SSX2IP: variants seen among roughly 807,000 people sequenced by gnomAD.
SSX2IP encodes SSX family member 2 interacting protein.
In SSX2IP, 55 loss-of-function variants were observed where a neutral mutation model predicts 84.9. That is an observed-to-expected ratio of 0.65 (90% confidence interval 0.52 to 0.81). SSX2IP has a LOEUF of 0.81. Among genes scored for constraint, SSX2IP ranks in the 30% least tolerant of loss-of-function variants. The pLI is 0.00. For synonymous variants in SSX2IP, 239 were observed against 234.7 expected, an observed-to-expected ratio of 1.02 and a Z score of -0.17; for missense variants, 664 against 705.2, an observed-to-expected ratio of 0.94 and a Z score of 0.66.
At chr1:84,650,956 C>T (rs1434081840) in intron 12 of SSX2IP, among the ~76,000 whole-genome samples, 3 of 152,094 alleles carry the variant, frequency 2.0e-5, no homozygotes, top group Non-Finnish European at 4.4e-5. Flanking sequence ...CCACCTGCCT[C>T]GGCCTCCCAA....
chr1:84,678,015 G>C (rs976287904), intron 1 of SSX2IP, among the ~76,000 whole-genome samples: 1 of 152,118 alleles, frequency 6.6e-6, no homozygotes, highest in Non-Finnish European at 1.5e-5. Context: ...AAGTTTTTAA[G>C]TATGTATATT....
intron 6 of SSX2IP, 117 bp downstream of exon 6, chr1:84,664,300 T>C (rs1652464621): frequency 1.0e-5 from 11 of 1,077,500 alleles, no homozygotes; most frequent in Admixed American, 3.1e-5. Context: ...TGAAAATCAA[T>C]TGTATAAAGC....
chr1:84,680,407 G>A (rs1470541541), intron 1 of SSX2IP: 1 of 152,064 alleles, frequency 6.6e-6, no homozygotes, highest in Non-Finnish European at 1.5e-5. Flanking sequence ...GAGAGTAAAA[G>A]CAGTTTACCT....
chr1:84,651,964 A>G lies in SSX2IP; in HGVS notation c.1423T>C (p.Leu475=). The G allele has an allele frequency of 6.2e-7, 1 of 1,613,942 alleles. No individual in the cohort carries two copies. Among genetic ancestry groups the G allele is most frequent in the Non-Finnish European group, 8.5e-7 (1 of 1,179,896 alleles). The change falls in exon 12 of 14, where the codon TTA becomes CTA. Residue 475 remains leucine, a synonymous_variant. Transcript: ENST00000342203. ...GTCATATTTAGAAACTGCTGCTTTA[A>G]CCAACTGGCTCTTTCTTCTTCAAAT... The part of the protein sequence containing the change: ...KAFEEERASW[L]KQQFLNMTTF...
In SSX2IP at chr1:84,662,341, C is replaced by A. The variant is rs1322980039; in HGVS notation, c.784G>T (p.Asp262Tyr). The A allele has an allele frequency of 6.2e-7, 1 of 1,608,392 alleles. No individual in the cohort carries two copies. The highest frequency in any genetic ancestry group is 1.7e-5 in the Admixed American group (1 of 59,000). The part of the protein sequence containing the change: ...EDEMYKILLN[D>Y]YEYRQKQILM... The stretch of plus-strand genomic sequence containing the variant: ...ATTTGTTTCTGACGATATTCATAAT[C>A]ATTCAAGAGAATTTTATACATTTCA... Residue 262 changes from aspartate (D) to tyrosine (Y), a missense_variant, in exon 8 of 14, where the codon GAT becomes TAT. Asp to Tyr is a radical substitution (Grantham distance 160). Transcript: ENST00000342203.
chr1:84,665,807 C>T (rs1652702434), intron 5 of SSX2IP, among the ~76,000 whole-genome samples: 1 of 152,148 alleles, frequency 6.6e-6, no homozygotes, highest in African/African-American at 2.4e-5. Flanking sequence ...AAAAGATCTG[C>T]ATTTAAAGCA....
At position 84,665,973 on chromosome 1, in the gene SSX2IP, C is replaced by T. The variant is rs982372150; in HGVS notation, c.537+149G>A. On this transcript the variant is annotated intron_variant, in intron 5 of 13. Coordinates refer to ENST00000342203, the MANE Select transcript of SSX2IP (RefSeq NM_001166293.2). The stretch of plus-strand genomic sequence containing the variant: ...GGGTTCCTGAGCTTCCAGTTAAATA[C>T]TATTACACAAAGGTCCACCATATCA... 14 of 613,816 alleles carry T rather than the reference C, an allele frequency of 2.3e-5. 1 individual carries two copies. Among genetic ancestry groups the T allele is most frequent in the East Asian group, 1.5e-4 (5 of 33,250 alleles). 38.0% of individuals were successfully genotyped at this position (613,816 alleles called of 1,614,324 possible). A position where few individuals can be genotyped will look rare whatever the true frequency, so the allele number is the denominator to read the frequency against.
intron 1 of SSX2IP, 122 bp downstream of exon 1, chr1:84,690,249 G>C (rs1214173769): frequency 6.6e-6 from 1 of 151,780 alleles, no homozygotes; most frequent in Non-Finnish European, 1.5e-5. Flanking sequence ...CGAACAACGG[G>C]GCGCTGAGCC....
chr1:84,653,337 C>A (rs2102208981), intron 11 of SSX2IP, among the ~76,000 whole-genome samples: 1 of 152,262 alleles, frequency 6.6e-6, no homozygotes, highest in Admixed American at 6.5e-5. Context: ...GTACTGGTAG[C>A]CACCACCACT....
chr1:84,674,659 G>A lies in SSX2IP; in HGVS notation c.-89-3351C>T, dbSNP rs374830131. Among the ~76,000 whole-genome samples, 3 of 152,206 alleles carry A rather than the reference G, an allele frequency of 2.0e-5. No individual in the cohort carries two copies. In the South Asian group the frequency reaches 6.2e-4, roughly 32 times the overall value. On this transcript the variant is annotated intron_variant, in intron 1 of 13. Coordinates refer to ENST00000342203, the MANE Select transcript of SSX2IP (RefSeq NM_001166293.2). The stretch of plus-strand genomic sequence containing the variant: ...AGTCAGTTATTCTCTCTGCGAATTT[G>A]GCTCTCCTGTCTATAGATTAGACAG...
intron 1 of SSX2IP, among the ~76,000 whole-genome samples, chr1:84,677,145 T>C (rs1476988165): frequency 6.6e-6 from 1 of 152,210 alleles, no homozygotes; most frequent in East Asian, 1.9e-4. Flanking sequence ...TTTAGAAGAT[T>C]GTGTTCTTAT....
chr1:84,685,047 T>C (rs1226722304), intron 1 of SSX2IP, among the ~76,000 whole-genome samples: 1 of 152,142 alleles, frequency 6.6e-6, no homozygotes, highest in Non-Finnish European at 1.5e-5. Flanking sequence ...AATGGACCAA[T>C]TAAACAAACG....
chr1:84,658,724 A>G (rs1271476118), intron 8 of SSX2IP, among the ~76,000 whole-genome samples: 1 of 152,226 alleles, frequency 6.6e-6, no homozygotes, highest in Non-Finnish European at 1.5e-5. Flanking sequence ...TGAGAAGGAG[A>G]TATCACTACC....
At chr1:84,650,666 T>C in intron 12 of SSX2IP, 139 bp from the exon 13 acceptor site, 1 of 937,286 alleles carries the variant, frequency 1.1e-6, no homozygotes, top group East Asian at 2.4e-5. Flanking sequence ...TTATCATTAA[T>C]CTTGCTTATC....
intron 9 of SSX2IP, 66 bp from the exon 10 acceptor site, chr1:84,656,550 A>C (rs749251388): frequency 7.2e-7 from 1 of 1,389,868 alleles, no homozygotes; most frequent in Admixed American, 2.6e-5. Flanking sequence ...TGTTTTGCAC[A>C]TATCTTTAAA....
Position 84,656,212 on chromosome 1 carries a change from T to C in SSX2IP, c.1215+136A>G, listed in dbSNP as rs1044411900. On this transcript the variant is annotated intron_variant, in intron 10 of 13. Transcript: ENST00000342203. ...TATTTAAGGAGTGGTACACAATGTA[T>C]CTGTTAGCAGGGAACACAGACTAGA... 1.0e-5 allele frequency: 10 copies of C among 972,212 alleles called. No homozygotes were observed. In the African/African-American group the frequency reaches 1.5e-4, roughly 14 times the overall value. 60.2% of individuals were successfully genotyped at this position (972,212 alleles called of 1,614,324 possible). A position where few individuals can be genotyped will look rare whatever the true frequency, so the allele number is the denominator to read the frequency against.
rs1282275550 is a variant in SSX2IP at position 84,647,457 on chromosome 1, A to C, written c.1821T>G (p.His607Gln). ...TCTAAGGTAAGTCATCTTTTTCTAC[A>C]TGAGAATTTGTGTAGCTCAAGGAGC... ...SGCSLSYTNS[H>Q]VEKDDLP The change falls in exon 14 of 14, where the codon CAT (histidine) becomes CAG (glutamine). Residue 607 changes from histidine to glutamine, a missense_variant. By Grantham distance (24) the His-to-Gln change is conservative. Coordinates refer to ENST00000342203, the MANE Select transcript of SSX2IP (RefSeq NM_001166293.2). The C allele has an allele frequency of 6.2e-7, 1 of 1,604,110 alleles. No individual in the cohort carries two copies.
At chr1:84,662,682 C>T in intron 6 of SSX2IP, 152 bp from the exon 7 acceptor site, 3 of 681,086 alleles carry the variant, frequency 4.4e-6, no homozygotes, top group South Asian at 4.0e-5. Context: ...TTTCTAGTTC[C>T]ACCACTTGTA....
At chr1:84,658,843 T>C (rs989271304) in intron 8 of SSX2IP, among the ~76,000 whole-genome samples, 2 of 152,238 alleles carry the variant, frequency 1.3e-5, no homozygotes. Context: ...GAACTGATAT[T>C]TGACATTAGA....
Sources: gnomAD v4.1 joint callset for allele counts (sites outside exome capture counted in the v4.1 genomes callset) on GRCh38, gnomAD v4.1.1 for gene constraint, MANE v1.5 for transcripts, NCBI Gene and HGNC (gene_info 2026-07-23, HGNC 2026-07-21) for gene names.